GPC5: variants seen among roughly 807,000 people sequenced by gnomAD.
GPC5 encodes the protein glypican 5.
Under a neutral mutation model 53.9 loss-of-function variants are expected in GPC5, and 47 were observed. The observed-to-expected ratio is 0.87, with a 90% CI of 0.69 to 1.11. The LOEUF is 1.11. GPC5 is among the 50% of genes most tolerant of loss of function. The pLI is 0.00. For missense variants in GPC5, 748 were observed against 713.1 expected (o/e 1.05, Z -0.56); for synonymous variants, 286 against 263.3 (o/e 1.09, Z -0.84).
intron 5 of GPC5, among the ~76,000 whole-genome samples, chr13:91,894,516 T>C (rs925091208): frequency 6.6e-6 from 1 of 152,188 alleles, no homozygotes; most frequent in African/African-American, 2.4e-5. Flanking sequence ...CCAGAAAGCT[T>C]GGCATGCCTT....
In GPC5 at chr13:92,164,125, G is replaced by A. The variant is rs538644741; in HGVS notation, c.1561+19136G>A. ...GATTACAATTCAAGATGAAATTTGG[G>A]TAGGGACTCAGACCCAGATCATATC... On this transcript the variant is annotated intron_variant, in intron 7 of 7. Transcript: ENST00000377067. 5.2e-3 allele frequency among the ~76,000 whole-genome samples: 785 copies of A among 152,214 alleles called. 10 individuals carry two copies. The highest frequency in any genetic ancestry group is 0.018 in the African/African-American group (750 of 41,530).
At chr13:92,316,874 G>A (rs958777467) in intron 7 of GPC5, among the ~76,000 whole-genome samples, 5 of 151,908 alleles carry the variant, frequency 3.3e-5, no homozygotes, top group African/African-American at 1.2e-4. Context: ...TTTTAGACAA[G>A]GTGTTTTTCT....
chr13:91,921,585 C>T (rs1461685582), intron 6 of GPC5, among the ~76,000 whole-genome samples: 1 of 152,000 alleles, frequency 6.6e-6, no homozygotes. Context: ...ATAAAAAAAT[C>T]AGTATAGTAT....
chr13:92,595,785 A>AG (rs386380226), intron 7 of GPC5, among the ~76,000 whole-genome samples: 1 of 151,476 alleles, frequency 6.6e-6, no homozygotes, highest in African/African-American at 2.4e-5. Context: ...AAAAAAAAAA[A>AG]AAGATAGTAT....
chr13:91,522,896 T>G (rs1219542266), intron 2 of GPC5, among the ~76,000 whole-genome samples: 1 of 152,224 alleles, frequency 6.6e-6, no homozygotes, highest in African/African-American at 2.4e-5. Flanking sequence ...TGCCACATTT[T>G]CTTAATCCAG....
intron 3 of GPC5, among the ~76,000 whole-genome samples, chr13:91,726,583 T>G (rs1268788901): frequency 6.6e-6 from 1 of 152,196 alleles, no homozygotes; most frequent in Non-Finnish European, 1.5e-5. Flanking sequence ...TTTTGTCAAT[T>G]GTCCATGTCA....
chr13:92,056,499 C>A (rs532335302), intron 6 of GPC5, among the ~76,000 whole-genome samples: 161 of 152,208 alleles, frequency 1.1e-3, no homozygotes, highest in Non-Finnish European at 1.9e-3. Flanking sequence ...TTACCACAAT[C>A]GTGTTTCTTT....
chr13:92,787,152 C>A (rs1368159681), intron 7 of GPC5, among the ~76,000 whole-genome samples: 3 of 151,840 alleles, frequency 2.0e-5, no homozygotes, highest in African/African-American at 7.3e-5. Flanking sequence ...AAGAATACAC[C>A]CAACAACACA....
At chr13:91,920,756 A>G (rs2139016243) in intron 6 of GPC5, among the ~76,000 whole-genome samples, 1 of 152,264 alleles carries the variant, frequency 6.6e-6, no homozygotes, top group South Asian at 2.1e-4. Flanking sequence ...CTAGAAGACA[A>G]TGCATAAAAA....
At chr13:92,660,495 A>G (rs1886300528) in intron 7 of GPC5, among the ~76,000 whole-genome samples, 1 of 152,198 alleles carries the variant, frequency 6.6e-6, no homozygotes. Flanking sequence ...GTATATATAC[A>G]TATATATGCA....
chr13:91,440,380 T>C (rs570741184), intron 1 of GPC5, among the ~76,000 whole-genome samples: 1 of 152,336 alleles, frequency 6.6e-6, no homozygotes, highest in South Asian at 2.1e-4. Flanking sequence ...ATCTGTCAAC[T>C]CTACTCAGCT....
chr13:92,020,457 GCTTTCTACCTCCTCACCAACA>G (rs1317296597), intron 6 of GPC5, among the ~76,000 whole-genome samples: 4 of 151,968 alleles, frequency 2.6e-5, no homozygotes, highest in Admixed American at 2.6e-4. Flanking sequence ...ACAGTTTCAG[GCTTTCTACCTCCTCACCAACA>G]CTTGTCTATT....
At chr13:91,863,440 CT>C (rs2039051639) in intron 5 of GPC5, among the ~76,000 whole-genome samples, 2 of 152,076 alleles carry the variant, frequency 1.3e-5, no homozygotes, top group Non-Finnish European at 2.9e-5. Context: ...CCTTACTATA[CT>C]TTTAGCACAT....
At chr13:92,181,693 G>A (rs2042148302) in intron 7 of GPC5, among the ~76,000 whole-genome samples, 1 of 152,154 alleles carries the variant, frequency 6.6e-6, no homozygotes, top group African/African-American at 2.4e-5. Flanking sequence ...CTAGAAATGA[G>A]AGCTCAGATT....
At chr13:92,052,378 G>A (rs766055205) in intron 6 of GPC5, among the ~76,000 whole-genome samples, 5 of 152,102 alleles carry the variant, frequency 3.3e-5, no homozygotes, top group African/African-American at 7.2e-5. Flanking sequence ...AGTGAGCAGC[G>A]GCAAGATTTA....
chr13:92,738,822 GTTGC>G (rs1232353188), intron 7 of GPC5, among the ~76,000 whole-genome samples: 1 of 152,050 alleles, frequency 6.6e-6, no homozygotes, highest in Non-Finnish European at 1.5e-5. Flanking sequence ...GAAGCCATAC[GTTGC>G]ATATCACCCC....
intron 2 of GPC5, among the ~76,000 whole-genome samples, chr13:91,598,388 T>C (rs2033068545): frequency 6.6e-6 from 1 of 152,014 alleles, no homozygotes; most frequent in African/African-American, 2.4e-5. Flanking sequence ...ACAGATATGT[T>C]ACAGGTAGAG....
At chr13:91,808,090 A>G (rs1464292906) in intron 5 of GPC5, among the ~76,000 whole-genome samples, 1 of 152,116 alleles carries the variant, frequency 6.6e-6, no homozygotes, top group Non-Finnish European at 1.5e-5. Flanking sequence ...ACTGTTTAAG[A>G]TCTATCTTTC....
At chr13:91,816,716 A>G (rs2038405658) in intron 5 of GPC5, among the ~76,000 whole-genome samples, 1 of 152,210 alleles carries the variant, frequency 6.6e-6, no homozygotes, top group African/African-American at 2.4e-5. Flanking sequence ...GTTTCCCTAC[A>G]ACAGTGAGAG....
Sources: allele counts gnomAD v4.1 joint callset (sites outside exome capture counted in the v4.1 genomes callset), GRCh38; gene constraint gnomAD v4.1.1; transcripts MANE v1.5; gene names NCBI Gene and HGNC (gene_info 2026-07-23, HGNC 2026-07-21).